Variants in PCM1 observed in about 807,000 individuals in gnomAD.
PCM1 encodes the protein pericentriolar material 1, also known as pericentriolar material 1 protein.
In PCM1, 157 loss-of-function variants were observed where a neutral mutation model predicts 241.9. The observed-to-expected ratio is 0.65, with a 90% CI of 0.57 to 0.74. The LOEUF is 0.74. Ranked by LOEUF, PCM1 falls within the 30% of genes least tolerant of loss-of-function variation. The probability of loss-of-function intolerance (pLI) is 0.00; values close to 1 mark genes in which losing one functional copy is unlikely to be tolerated. For missense variants in PCM1, 3,478 were observed against 2,360.1 expected, an observed-to-expected ratio of 1.47 and a Z score of -9.81; for synonymous variants, 1,085 against 784.9, an observed-to-expected ratio of 1.38 and a Z score of -6.39.
intron 37 of PCM1, 35 bp downstream of exon 37, chr8:18,025,488 A>G (rs758140158): frequency 4.6e-6 from 7 of 1,522,468 alleles, no homozygotes; most frequent in African/African-American, 1.4e-5. Flanking sequence ...TTGTCTTTAC[A>G]TAACAAATAC....
chr8:18,018,512 T>G (rs931300932), intron 36 of PCM1, among the ~76,000 whole-genome samples: 14 of 152,208 alleles, frequency 9.2e-5, no homozygotes, highest in South Asian at 6.2e-4. Context: ...TGTACTTGTC[T>G]CTATAATACT....
intron 8 of PCM1, 123 bp downstream of exon 8, chr8:17,950,847 T>G: frequency 1.5e-6 from 1 of 660,206 alleles, no homozygotes; most frequent in Non-Finnish European, 2.6e-6. Context: ...GGTTTCTGAT[T>G]GGTGGGGTCC....
chr8:17,940,127 T>G, intron 6 of PCM1: 1 of 1,562,482 alleles, frequency 6.4e-7, no homozygotes, highest in Non-Finnish European at 8.6e-7. Flanking sequence ...TCGCTAAACA[T>G]AGATGTGCAG....
In PCM1 at chr8:17,962,142, G is replaced by A; in HGVS notation, c.2431G>A (p.Glu811Lys). The A allele has an allele frequency of 6.2e-7, 1 of 1,608,682 alleles. No individual in the cohort carries two copies. Residue 811 changes from glutamate (E) to lysine (K), a missense_variant, in exon 16 of 39, where the codon GAG (glutamate) becomes AAG (lysine). By Grantham distance (56) the Glu-to-Lys change is moderately conservative (BLOSUM62 1). Transcript: ENST00000325083. ...HETSTSKSVF[E>K]PEDSSIVDNE... The stretch of plus-strand genomic sequence containing the variant: ...GACCAGTACAAGCAAATCTGTTTTT[G>A]AGCCTGAAGATTCTTCAATAGTAGA...
chr8:17,936,459 TTAAC>T (rs1331473935), intron 3 of PCM1, among the ~76,000 whole-genome samples: 14 of 152,322 alleles, frequency 9.2e-5, no homozygotes, highest in Non-Finnish European at 1.3e-4. Context: ...TTATGTGAGT[TTAAC>T]TAAGTAAATA....
At chr8:17,983,493 C>T (rs1010134359) in intron 24 of PCM1, among the ~76,000 whole-genome samples, 1 of 152,082 alleles carries the variant, frequency 6.6e-6, no homozygotes, top group Non-Finnish European at 1.5e-5. Flanking sequence ...CTTTTGTTTT[C>T]ATATTCTGTT....
At chr8:17,936,503 CT>C (rs1341649736) in intron 3 of PCM1, among the ~76,000 whole-genome samples, 1 of 152,104 alleles carries the variant, frequency 6.6e-6, no homozygotes, top group African/African-American at 2.4e-5. Context: ...ACTATAAGCA[CT>C]TTTTGTAATT....
chr8:17,988,134 C>T (rs865967832), intron 26 of PCM1, among the ~76,000 whole-genome samples: 22 of 151,496 alleles, frequency 1.5e-4, no homozygotes, highest in African/African-American at 4.1e-4. Context: ...CTCCTGCTCC[C>T]GATGATAATA....
chr8:17,986,681 C>T (rs1233838777), intron 26 of PCM1, among the ~76,000 whole-genome samples: 1 of 151,716 alleles, frequency 6.6e-6, no homozygotes, highest in African/African-American at 2.4e-5. Flanking sequence ...AGTGACAGAA[C>T]TGCTAGTATA....
chr8:18,013,985 AAGAC>A lies in PCM1; in HGVS notation c.5536_5539del (p.Thr1846GlnfsTer23). ...CTAGGTCCTACAACGTGACTTTAAA[AAGAC>A]AGCAGAAAGCAAAAATGTCCCATTG... On this transcript the variant is annotated frameshift_variant, in exon 35 of 39. Coordinates refer to ENST00000325083, the MANE Select transcript of PCM1 (RefSeq NM_006197.4). LOFTEE classifies it high-confidence loss of function. 6.2e-7 allele frequency: 1 copy of A among 1,604,160 alleles called. No homozygotes were observed. The highest frequency in any genetic ancestry group is 8.5e-7 in the Non-Finnish European group (1 of 1,175,504).
chr8:18,001,242 A>G (rs1202566427), intron 29 of PCM1, among the ~76,000 whole-genome samples: 2 of 152,198 alleles, frequency 1.3e-5, no homozygotes, highest in Non-Finnish European at 2.9e-5. Context: ...TTATTTTTTC[A>G]GTCCCTGTTG....
intron 6 of PCM1, among the ~76,000 whole-genome samples, chr8:17,941,762 G>A (rs2062133766): frequency 1.4e-5 from 2 of 145,484 alleles, no homozygotes; most frequent in Admixed American, 1.4e-4. Context: ...AAAGGGAAAG[G>A]TGACAGACCT....
intron 26 of PCM1, among the ~76,000 whole-genome samples, chr8:17,986,898 C>T (rs2082788511): frequency 6.6e-6 from 1 of 151,790 alleles, no homozygotes; most frequent in Non-Finnish European, 1.5e-5. Flanking sequence ...TTTACTGTTT[C>T]TGCCTTTTGT....
chr8:17,957,099 T>C (rs148542301), intron 11 of PCM1, among the ~76,000 whole-genome samples, 165 bp from the exon 12 acceptor site: 1 of 152,224 alleles, frequency 6.6e-6, no homozygotes, highest in Non-Finnish European at 1.5e-5. Flanking sequence ...ATAGCACATA[T>C]GCAGAAGTTA....
At chr8:17,968,301 A>G (rs1430112932) in intron 21 of PCM1, among the ~76,000 whole-genome samples, 1 of 152,190 alleles carries the variant, frequency 6.6e-6, no homozygotes, top group Non-Finnish European at 1.5e-5. Flanking sequence ...TATATTGCAG[A>G]CGAGGGTGCC....
rs776348055 is a variant in PCM1, at chr8:18,014,038, T to TAAGA, written c.5584+5_5584+8dup. The TAAGA allele has an allele frequency of 6.5e-7, 1 of 1,540,624 alleles. No individual in the cohort carries two copies. Among genetic ancestry groups the TAAGA allele is most frequent in the South Asian group, 1.2e-5 (1 of 84,926 alleles). On this transcript the variant is annotated splice_region_variant and intron_variant, in intron 35 of 38. Coordinates refer to ENST00000325083, the MANE Select transcript of PCM1 (RefSeq NM_006197.4). The stretch of plus-strand genomic sequence containing the variant: ...TGGAACGAGAAGCCACTAGTAAAAG[T>TAAGA]AAGAAATCTAAATAAGTCTTTGATT...
At position 17,941,927 on chromosome 8, in the gene PCM1, A is replaced by G. The variant is rs183596919; in HGVS notation, c.783+2066A>G. On this transcript the variant is annotated intron_variant, in intron 6 of 38. Transcript: ENST00000325083. ...CTTTATTTGCTTTTCTGTTGTTGCT[A>G]TTACTCTTACATATTAATTGTTAAT... Among the ~76,000 whole-genome samples, 192 of 152,136 alleles carry G rather than the reference A, an allele frequency of 1.3e-3. No homozygotes were observed. In the South Asian group the frequency reaches 0.013, roughly 10 times the overall value.
rs1385941836 is a variant in PCM1 at position 17,956,626 on chromosome 8, A to C, written c.1495A>C (p.Arg499=). The C allele has an allele frequency of 3.8e-6, 6 of 1,595,400 alleles. No individual in the cohort carries two copies. The highest frequency in any genetic ancestry group is 5.1e-6 in the Non-Finnish European group (6 of 1,169,534). ...KLQKLNEVRK[R]LNELRELVHY... ...CAGGAAGTTAAATGAAGTTCGAAAG[A>C]GATTGAATGAGCTAAGAGAATTAGT... Residue 499 remains arginine (R), a synonymous_variant, in exon 11 of 39, where the codon AGA becomes CGA. Coordinates refer to ENST00000325083, the MANE Select transcript of PCM1 (RefSeq NM_006197.4).
intron 34 of PCM1, among the ~76,000 whole-genome samples, chr8:18,012,377 C>T (rs1430129097): frequency 6.6e-6 from 1 of 151,912 alleles, no homozygotes; most frequent in Non-Finnish European, 1.5e-5. Context: ...CTTAATGGCC[C>T]CAAAGCACAA....
Sources: gnomAD v4.1 joint callset for allele counts (sites outside exome capture counted in the v4.1 genomes callset) on GRCh38, gnomAD v4.1.1 for gene constraint, MANE v1.5 for transcripts, NCBI Gene and HGNC (gene_info 2026-07-23, HGNC 2026-07-21) for gene names.